The following SLC22A17 variants were observed in gnomAD, a reference collection of about 807,000 sequenced individuals.
SLC22A17 encodes the protein solute carrier family 22 member 17.
Under a neutral mutation model 53.6 loss-of-function variants are expected in SLC22A17, and 38 were observed. That is an observed-to-expected ratio of 0.71 (90% CI 0.55 to 0.93). The LOEUF (loss-of-function observed/expected upper bound fraction) is 0.93, where lower values mean the gene tolerates loss of function less well. SLC22A17 is among the 40% of genes least tolerant of loss of function. The pLI, the probability that SLC22A17 is intolerant of heterozygous loss-of-function variation, is 0.00. For missense variants in SLC22A17, 704 were observed against 791.0 expected (o/e 0.89, Z 1.32); for synonymous variants, 379 against 353.0 (o/e 1.07, Z -0.82).
Position 23,346,939 on chromosome 14 carries a change from G to T in SLC22A17, c.1662-3C>A, listed in dbSNP as rs371642669. 21 of 1,528,708 alleles carry T rather than the reference G, an allele frequency of 1.4e-5. No individual in the cohort carries two copies. The highest frequency in any genetic ancestry group is 2.4e-5 in the South Asian group (2 of 83,276). The allele number at this position is 1,528,708 out of a possible 1,614,324, so 94.7% of individuals were successfully genotyped here. A position where few individuals can be genotyped will look rare whatever the true frequency, so the allele number is the denominator to read the frequency against. On this transcript the variant is annotated splice_region_variant and splice_polypyrimidine_tract_variant and intron_variant, in intron 9 of 9. Transcript: ENST00000397267. ...TGATCAGGCCCAGGCCACGGCCCCT[G>T]GGGGGAGACAGAGGAGGAGCTCAGC... is the stretch of plus-strand genomic sequence containing the variant.
At chr14:23,346,896 C>G (rs1490662394) in exon 10 of SLC22A17, 1 of 1,539,082 alleles carries the variant, frequency 6.5e-7, no homozygotes, top group East Asian at 2.4e-5. Flanking sequence ...CTCAGTCCTC[C>G]AAGCGCCCCT....
At chr14:23,346,474 T>G (rs763004332) in exon 10 of SLC22A17, 2 of 792,592 alleles carry the variant, frequency 2.5e-6, no homozygotes, top group Non-Finnish European at 1.9e-6. Context: ...AGGAAGTGAA[T>G]GCAAAGCAGC....
chr14:23,348,510 A>T lies in SLC22A17; in HGVS notation c.1021T>A (p.Tyr341Asn). The T allele has an allele frequency of 6.2e-7, 1 of 1,613,620 alleles. No homozygotes were observed. Among genetic ancestry groups the T allele is most frequent in the East Asian group, 2.2e-5 (1 of 44,876 alleles). Residue 341 changes from tyrosine to asparagine, a missense_variant, in exon 5 of 10, where the codon TAT (tyrosine) becomes AAT (asparagine). Coordinates refer to ENST00000397267, the Ensembl canonical transcript of SLC22A17. The surrounding 1 kb of genome is among the most constrained non-coding windows in gnomAD (Gnocchi z 4.5). Reference sequence around the variant, plus strand: ...CAGGTGAAGGGTAATACTGACCCATAAAACAGGAAGAGGATGCAGGGAGCG... The same window carrying T: ...CAGGTGAAGGGTAATACTGACCCATTAAACAGGAAGAGGATGCAGGGAGCG...
chr14:23,349,089 G>A lies in SLC22A17; in HGVS notation c.859+183C>T, dbSNP rs536576923. On this transcript the variant is annotated intron_variant, in intron 4 of 9. Coordinates refer to ENST00000397267, the Ensembl canonical transcript of SLC22A17. ...CAGGACAAAGACTTTAAAGATTGTC[G>A]GGAGGGGGAGATAGGTGTAGAGAGA... The A allele has an allele frequency of 1.8e-5, 13 of 730,808 alleles. No homozygotes were observed. The East Asian group carries it at 1.9e-4, about 10-fold the overall frequency. The allele number at this position is 730,808 out of a possible 1,614,324, so 45.3% of individuals were successfully genotyped here. A position where few individuals can be genotyped will look rare whatever the true frequency, so the allele number is the denominator to read the frequency against.
chr14:23,346,743 C>T lies in SLC22A17; in HGVS notation c.1855G>A (p.Gly619Arg), dbSNP rs751922756. 1.9e-5 allele frequency: 30 copies of T among 1,544,608 alleles called. No homozygotes were observed. Among genetic ancestry groups the T allele is most frequent in the Middle Eastern group, 1.9e-4 (1 of 5,224 alleles). Residue 619 changes from glycine to arginine, a missense_variant, in exon 10 of 10, where the codon GGG becomes AGG. By Grantham distance (125) the Gly-to-Arg change is moderately radical. Coordinates refer to ENST00000397267, the Ensembl canonical transcript of SLC22A17. ...AGGGAAGGCCGGCGACACAGCTCCC[C>T]GTCCCGGAGCACCTCGGGCAGGAGC...
Position 23,348,054 on chromosome 14 carries a change from A to T in SLC22A17, c.1172-58T>A. On this transcript the variant is annotated intron_variant, in intron 6 of 9. Coordinates refer to ENST00000397267, the Ensembl canonical transcript of SLC22A17. The surrounding 1 kb of genome is among the most constrained non-coding windows in gnomAD (Gnocchi z 4.5). Reference sequence around the variant, plus strand: ...AACCCTGAGATCCCAGGATCCTCCCACATGGGTGGTGGGGACCCTGGGAGA... The same window carrying T: ...AACCCTGAGATCCCAGGATCCTCCCTCATGGGTGGTGGGGACCCTGGGAGA... The T allele has an allele frequency of 6.2e-7, 1 of 1,610,294 alleles. No homozygotes were observed. The highest frequency in any genetic ancestry group is 8.5e-7 in the Non-Finnish European group (1 of 1,176,980).
rs1360948740 is a variant in SLC22A17, at chr14:23,347,479, T to A, written c.1530A>T (p.Gln510His). The A allele has an allele frequency of 7.4e-6, 12 of 1,613,940 alleles. No homozygotes were observed. The highest frequency in any genetic ancestry group is 1.0e-5 in the Non-Finnish European group (12 of 1,179,926). ...AAGCACCTCTGTTGGGGTTCCCTTG[T>A]TGAGCCCACACTGTGGGGAAGATAG... Residue 510 changes from glutamine (Q) to histidine (H), a missense_variant, in exon 8 of 10, where the codon CAA (glutamine) becomes CAT (histidine). By Grantham distance (24) the Gln-to-His change is conservative (BLOSUM62 0). Around this residue, in one of 4 missense-constraint regions of SLC22A17, gnomAD observed 435 missense variants for 529.0 expected, o/e 0.82. Coordinates refer to ENST00000397267, the Ensembl canonical transcript of SLC22A17. The surrounding 1 kb of genome is among the most constrained non-coding windows in gnomAD (Gnocchi z 5.1).
In SLC22A17 at chr14:23,348,000, T is replaced by C; in HGVS notation, c.1172-4A>G. 1.2e-6 allele frequency: 2 copies of C among 1,613,862 alleles called. No individual in the cohort carries two copies. The highest frequency in any genetic ancestry group is 1.7e-6 in the Non-Finnish European group (2 of 1,179,842). On this transcript the variant is annotated splice_polypyrimidine_tract_variant and splice_region_variant and intron_variant, in intron 6 of 9. Transcript: ENST00000397267. The surrounding 1 kb of genome is among the most constrained non-coding windows in gnomAD (Gnocchi z 5.1). ...AGAGGGCAGGTATTCTCCAGGTCTT[T>C]GGGAGAGAGAGAGGAGCTGTCAGAA...
intron 3 of SLC22A17, 115 bp from the exon 4 acceptor site, chr14:23,349,541 C>T (rs1889491798): frequency 3.1e-6 from 4 of 1,271,350 alleles, no homozygotes; most frequent in Non-Finnish European, 4.3e-6. Context: ...GTTCTGGGAG[C>T]AAGAGTTGGA....
At chr14:23,351,997 T>A in exon 2 of SLC22A17, 1 of 1,612,660 alleles carries the variant, frequency 6.2e-7, no homozygotes, top group Admixed American at 1.7e-5. Context: ...ATAGTCCCAA[T>A]CCTTGAGGCA....
chr14:23,349,188 C>T (rs755080674), intron 4 of SLC22A17, 84 bp downstream of exon 4: 15 of 1,565,742 alleles, frequency 9.6e-6, no homozygotes, highest in Middle Eastern at 1.7e-4. Context: ...GAAATGTGGC[C>T]TAGGGGGCAG....
rs1223703590 is a variant in SLC22A17, at chr14:23,352,303, G to A, written c.245C>T (p.Ala82Val). Residue 82 changes from alanine to valine, a missense_variant, in exon 2 of 10, where the codon GCG becomes GTG. Physicochemically the swap from Ala to Val is moderately conservative, Grantham distance 64. This residue lies in a region of SLC22A17 where 31 missense variants were observed against 62.3 expected (regional missense o/e 0.50). Coordinates refer to ENST00000397267, the Ensembl canonical transcript of SLC22A17. The surrounding 1 kb of genome is among the most constrained non-coding windows in gnomAD (Gnocchi z 7.2). ...CAGCGCCCCCACCTGGGCGAGCAGC[G>A]CCTCAAAGCTGAGGGGGCCTGGGGG... The A allele has an allele frequency of 2.2e-6, 3 of 1,381,660 alleles. No individual in the cohort carries two copies. Among genetic ancestry groups the A allele is most frequent in the Non-Finnish European group, 2.8e-6 (3 of 1,064,540 alleles). 85.6% of individuals were successfully genotyped at this position (1,381,660 alleles called of 1,614,324 possible).
chr14:23,348,315 AG>A lies in SLC22A17; in HGVS notation c.1026-10del, dbSNP rs766145278. The A allele has an allele frequency of 5.0e-6, 8 of 1,613,546 alleles. No individual in the cohort carries two copies. The highest frequency in any genetic ancestry group is 6.8e-6 in the Non-Finnish European group (8 of 1,179,804). On this transcript the variant is annotated splice_polypyrimidine_tract_variant and intron_variant, in intron 5 of 9. Transcript: ENST00000397267. The surrounding 1 kb of genome is among the most constrained non-coding windows in gnomAD (Gnocchi z 4.5). ...GGAACAAACCAGGCCAGCTGGGGGC[AG>A]GGGGGAAGGGGTATACTGTGAGGCC...
At chr14:23,346,880 G>A (rs757505962) in exon 10 of SLC22A17, 7 of 1,538,016 alleles carry the variant, frequency 4.6e-6, no homozygotes, top group South Asian at 2.4e-5. Flanking sequence ...GCGCTGGGCC[G>A]GGCCGCTCAG....
chr14:23,346,875 G>A lies in SLC22A17; in HGVS notation c.1723C>T (p.Gln575Ter). Reference sequence around the variant, plus strand: ...GCTCCATGGCCCATGTGGAGGCGCTGGGCCGGGCCGCTCAGTCCTCCAAGC... The same window carrying A: ...GCTCCATGGCCCATGTGGAGGCGCTAGGCCGGGCCGCTCAGTCCTCCAAGC... The change falls in exon 10 of 10, where the codon CAG becomes TAG. Residue 575 changes from glutamine (Q) to a stop codon, truncating the protein, a stop_gained. Transcript: ENST00000397267. LOFTEE classifies it high-confidence loss of function. The A allele has an allele frequency of 1.3e-6, 2 of 1,538,236 alleles. No individual in the cohort carries two copies. Among genetic ancestry groups the A allele is most frequent in the South Asian group, 1.2e-5 (1 of 84,206 alleles).
rs904633801 is a variant in SLC22A17, at chr14:23,348,810, G to A, written c.860-139C>T. 5 of 903,748 alleles carry A rather than the reference G, an allele frequency of 5.5e-6. No homozygotes were observed. The highest frequency in any genetic ancestry group is 8.2e-6 in the Non-Finnish European group (5 of 613,364). The allele number at this position is 903,748 out of a possible 1,614,324, so 56.0% of individuals were successfully genotyped here. On this transcript the variant is annotated intron_variant, in intron 4 of 9. Transcript: ENST00000397267. The surrounding 1 kb of genome is among the most constrained non-coding windows in gnomAD (Gnocchi z 4.5). ...GGAGGCTGCAGCCATTGCCTCCCTT[G>A]CTAACCTCTGGGTGGCAAGGACTGG...
rs1595016601 is a variant in SLC22A17 at position 23,352,713 on chromosome 14, G to C, written c.29C>G (p.Pro10Arg). The stretch of plus-strand genomic sequence containing the variant: ...GCCGCCGCCCCCGCCATTGGGCTCG[G>C]GGGTCCCGGTGGCCACCCGGGGAGC... Residue 10 changes from proline to arginine, a missense_variant, in exon 1 of 10, where the codon CCC becomes CGC. Coordinates refer to ENST00000397267, the Ensembl canonical transcript of SLC22A17. The surrounding 1 kb of genome is among the most constrained non-coding windows in gnomAD (Gnocchi z 7.2). 2.5e-6 allele frequency: 1 copy of C among 399,130 alleles called. No individual in the cohort carries two copies. The highest frequency in any genetic ancestry group is 3.6e-5 in the East Asian group (1 of 28,070). The allele number at this position is 399,130 out of a possible 1,614,324, so 24.7% of individuals were successfully genotyped here.
At chr14:23,349,120 G>A in intron 4 of SLC22A17, 152 bp downstream of exon 4, 2 of 955,644 alleles carry the variant, frequency 2.1e-6, no homozygotes, top group South Asian at 1.4e-5. Context: ...AGAGAAGCAA[G>A]AGCCCTGGAT....
intron 3 of SLC22A17, among the ~76,000 whole-genome samples, chr14:23,350,682 G>C (rs531786097): frequency 6.6e-6 from 1 of 152,290 alleles, no homozygotes; most frequent in Non-Finnish European, 1.5e-5. Context: ...TGGGCTTATT[G>C]GTTAATGTGC....
Sources: gnomAD v4.1 joint callset for allele counts (sites outside exome capture counted in the v4.1 genomes callset) on GRCh38, gnomAD v4.1.1 for gene constraint, gnomAD v4.1.1 regional missense constraint, Gnocchi (gnomAD v3.1) non-coding constraint, MANE v1.5 for transcripts, NCBI Gene and HGNC (gene_info 2026-07-23, HGNC 2026-07-21) for gene names.